The following LRCH2 variants were observed in gnomAD, a reference collection of about 807,000 sequenced individuals.
The protein encoded by LRCH2 is leucine rich repeats and calponin homology domain containing 2.
LRCH2 carries 38 observed loss-of-function variants against 68.9 expected under a neutral mutation model. That is an observed-to-expected ratio of 0.55 (90% CI 0.43 to 0.72). LRCH2 has a LOEUF of 0.72. LRCH2 is among the 30% of genes least tolerant of loss of function. LRCH2 has a pLI of 0.00. For missense variants in LRCH2, 528 were observed against 572.9 expected (o/e 0.92, Z 0.80); for synonymous variants, 191 against 208.1 (o/e 0.92, Z 0.71).
chrX:115,139,473 A>AT (rs1556533290), intron 14 of LRCH2, among the ~76,000 whole-genome samples: 1 of 112,340 alleles, frequency 8.9e-6, no homozygotes, highest in African/African-American at 3.2e-5. Flanking sequence ...GAAATCAATT[A>AT]TTAAATGCAT....
intron 20 of LRCH2, among the ~76,000 whole-genome samples, chrX:115,119,968 T>C (rs2072121763): frequency 9.0e-6 from 1 of 111,516 alleles, no homozygotes; most frequent in South Asian, 3.8e-4. Context: ...GCTAGCCATA[T>C]GTAGAAAGCT....
chrX:115,129,084 T>C (rs1556529051), intron 15 of LRCH2, among the ~76,000 whole-genome samples: 1 of 111,931 alleles, frequency 8.9e-6, no homozygotes, highest in Non-Finnish European at 1.9e-5. Flanking sequence ...ATGAGATATA[T>C]CCAGCAGAAA....
intron 14 of LRCH2, among the ~76,000 whole-genome samples, chrX:115,131,627 G>A (rs1257829970): frequency 1.1e-4 from 12 of 111,647 alleles, no homozygotes; most frequent in African/African-American, 3.9e-4. Context: ...ACCCAGTAAT[G>A]GGATGGCTGG....
rs782715622 is a variant in LRCH2 at position 115,125,667 on chromosome X, GTA to G, written c.1791+1174_1791+1175del. 4.2e-4 allele frequency among the ~76,000 whole-genome samples: 35 copies of G among 83,528 alleles called. No homozygotes were observed. The East Asian group carries it at 0.01, about 25-fold the overall frequency. 72.5% of individuals were successfully genotyped at this position (83,528 alleles called of 115,157 possible). On this transcript the variant is annotated intron_variant, in intron 16 of 20. Coordinates refer to ENST00000317135, the MANE Select transcript of LRCH2 (RefSeq NM_020871.4). ...TATATATATACACGTATATATATAC[GTA>G]TATATATATCAATGTAAATTATTTG...
At position 115,190,372 on chromosome X, in the gene LRCH2, T is replaced by C. The variant is rs1192438966; in HGVS notation, c.350-2002A>G. 22 of 1,159,184 alleles carry C rather than the reference T, an allele frequency of 1.9e-5. No homozygotes were observed. The highest frequency in any genetic ancestry group is 2.6e-5 in the Admixed American group (1 of 38,077). On this transcript the variant is annotated intron_variant, in intron 1 of 20. Transcript: ENST00000317135. ...GCCCCTCAAGAGCTACGGAGGCCCA[T>C]GCGGCGCTGCCCCTGTGTGGGGGAC...
At chrX:115,222,992 G>T (rs891957986) in intron 1 of LRCH2, among the ~76,000 whole-genome samples, 20 of 111,846 alleles carry the variant, frequency 1.8e-4, no homozygotes, top group Non-Finnish European at 3.6e-4. Flanking sequence ...CAGAAATATA[G>T]ATCAATGAAA....
chrX:115,122,152 T>C (rs1256231850), intron 20 of LRCH2, among the ~76,000 whole-genome samples: 2 of 108,160 alleles, frequency 1.8e-5, no homozygotes, highest in Non-Finnish European at 3.8e-5. Flanking sequence ...AATGCAAATC[T>C]TCCAATCAGA....
At chrX:115,215,267 C>A (rs1556571136) in intron 1 of LRCH2, among the ~76,000 whole-genome samples, 2 of 111,313 alleles carry the variant, frequency 1.8e-5, no homozygotes, top group Non-Finnish European at 3.8e-5. Context: ...TGAAAGATTT[C>A]TAGGTTAAGT....
intron 11 of LRCH2, among the ~76,000 whole-genome samples, chrX:115,159,428 G>A (rs1556540696): frequency 1.8e-5 from 2 of 110,242 alleles, no homozygotes; most frequent in African/African-American, 6.6e-5. Flanking sequence ...TATTTTGACA[G>A]GGGATGATAA....
chrX:115,165,437 A>G lies in LRCH2; in HGVS notation c.1323T>C (p.Ser441=). The change falls in exon 10 of 21, where the codon TCT becomes TCC. Residue 441 remains serine, a synonymous_variant. Transcript: ENST00000317135. The part of the protein sequence containing the change: ...FKGKEKCSEK[S]RKNEELGDEK... ...CATCTCCTAATTCTTCATTTTTCCGAGATTTTTCAGAACATTTTTCTTTTC... is the reference window on the plus strand; with the variant it reads ...CATCTCCTAATTCTTCATTTTTCCGGGATTTTTCAGAACATTTTTCTTTTC... The G allele has an allele frequency of 8.8e-7, 1 of 1,133,253 alleles. No individual in the cohort carries two copies. Among genetic ancestry groups the G allele is most frequent in the Non-Finnish European group, 1.2e-6 (1 of 847,170 alleles). The allele number at this position is 1,133,253 out of a possible 1,213,427, so 93.4% of individuals were successfully genotyped here. A position where few individuals can be genotyped will look rare whatever the true frequency, so the allele number is the denominator to read the frequency against.
chrX:115,179,784 GCTAA>G (rs1289736535), intron 3 of LRCH2, 33 bp from the exon 4 acceptor site: 2 of 743,110 alleles, frequency 2.7e-6, no homozygotes. Context: ...ATTATAACAA[GCTAA>G]CTGAGAAATA....
Position 115,149,884 on chromosome X carries a change from T to G in LRCH2, c.1638A>C (p.Ile546=). Reference sequence around the variant, plus strand: ...GCCTCCTTTCTTCACTCTGCCAGATTATAGGGTGAGATTCTGGCCACGGTT... The same window carrying G: ...GCCTCCTTTCTTCACTCTGCCAGATGATAGGGTGAGATTCTGGCCACGGTT... The part of the protein sequence containing the change: ...DEQPWPESHP[I]IWQSEERRRS... The change falls in exon 14 of 21, where the codon ATA becomes ATC. Residue 546 remains isoleucine (I), a synonymous_variant. Coordinates refer to ENST00000317135, the MANE Select transcript of LRCH2 (RefSeq NM_020871.4). 1 of 1,207,148 alleles carries G rather than the reference T, an allele frequency of 8.3e-7. No homozygotes were observed. Among genetic ancestry groups the G allele is most frequent in the Non-Finnish European group, 1.1e-6 (1 of 892,598 alleles).
intron 1 of LRCH2, among the ~76,000 whole-genome samples, chrX:115,230,697 A>G (rs1463182197): frequency 2.7e-5 from 3 of 111,877 alleles, no homozygotes; most frequent in African/African-American, 9.7e-5. Context: ...AATTTGAAAC[A>G]ATTTTTGAGT....
At chrX:115,197,735 G>C (rs2072898122) in intron 1 of LRCH2, among the ~76,000 whole-genome samples, 1 of 105,857 alleles carries the variant, frequency 9.4e-6, no homozygotes, top group Non-Finnish European at 1.9e-5. Context: ...CTGGGCAAAA[G>C]AAAAAGTCTC....
At chrX:115,176,711 A>C (rs782256226) in intron 5 of LRCH2, among the ~76,000 whole-genome samples, 1 of 107,391 alleles carries the variant, frequency 9.3e-6, no homozygotes, top group East Asian at 2.9e-4. Flanking sequence ...ATGTCTAATG[A>C]TTCTTGGCTG....
Position 115,143,775 on chromosome X carries a change from A to G in LRCH2, c.1695+6052T>C, listed in dbSNP as rs189621863. ...AATTCAACAATATATTTAAAAGGTC[A>G]TTCATCATGACCAAGTGGGATTTAT... On this transcript the variant is annotated intron_variant, in intron 14 of 20. Transcript: ENST00000317135. Among the ~76,000 whole-genome samples the G allele has an allele frequency of 2.9e-3, 330 of 112,161 alleles. 2 individuals are homozygous for G. Among genetic ancestry groups the G allele is most frequent in the Non-Finnish European group, 4.7e-3 (252 of 53,250 alleles).
chrX:115,188,225 C>T lies in LRCH2; in HGVS notation c.494+1G>A. The T allele has an allele frequency of 9.1e-7, 1 of 1,103,762 alleles. No homozygotes were observed. Among genetic ancestry groups the T allele is most frequent in the Non-Finnish European group, 1.2e-6 (1 of 839,681 alleles). 91.0% of individuals were successfully genotyped at this position (1,103,762 alleles called of 1,213,427 possible). A position where few individuals can be genotyped will look rare whatever the true frequency, so the allele number is the denominator to read the frequency against. On this transcript the variant is annotated splice_donor_variant, in intron 2 of 20. Transcript: ENST00000317135. LOFTEE classifies it high-confidence loss of function. The stretch of plus-strand genomic sequence containing the variant: ...AATTTATTTTTAAATTGTTTCCTTA[C>T]CTAATGTTAAGGTATGTTAACATCT...
chrX:115,190,364 G>C (rs1182158994), intron 1 of LRCH2: 3 of 1,161,239 alleles, frequency 2.6e-6, no homozygotes, highest in Non-Finnish European at 3.4e-6. Flanking sequence ...AAGAGCTACG[G>C]AGGCCCATGC....
At chrX:115,197,484 G>A (rs1206206429) in intron 1 of LRCH2, among the ~76,000 whole-genome samples, 2 of 111,483 alleles carry the variant, frequency 1.8e-5, no homozygotes, top group African/African-American at 6.5e-5. Context: ...GAGTGTGGTG[G>A]CTAACACCTA....
Sources: allele counts gnomAD v4.1 joint callset (sites outside exome capture counted in the v4.1 genomes callset), GRCh38; gene constraint gnomAD v4.1.1; transcripts MANE v1.5; gene names NCBI Gene and HGNC (gene_info 2026-07-23, HGNC 2026-07-21).